RGS21: variants seen among roughly 807,000 people sequenced by gnomAD.
RGS21 encodes regulator of G-protein signalling 21.
A neutral mutation model predicts 18.7 loss-of-function variants in RGS21; 19 were observed. The ratio of observed to expected loss-of-function variants is 1.01; its 90% CI spans 0.71 to 1.49. RGS21 has a LOEUF of 1.49. Among genes scored for constraint, RGS21 ranks in the 40% most tolerant of loss-of-function variants. RGS21 has a pLI of 0.00. For synonymous variants in RGS21, 56 were observed against 57.8 expected, an observed-to-expected ratio of 0.97 and a Z score of 0.14; for missense variants, 194 against 176.8, an observed-to-expected ratio of 1.10 and a Z score of -0.55.
intron 4 of RGS21, 74 bp from the exon 5 acceptor site, chr1:192,365,847 A>G (rs945862788): frequency 8.9e-6 from 7 of 790,672 alleles, no homozygotes; most frequent in Non-Finnish European, 1.2e-5. Flanking sequence ...AAAGAATTTT[A>G]AATAATATAT....
At chr1:192,327,679 G>A (rs1658586237) in intron 1 of RGS21, among the ~76,000 whole-genome samples, 1 of 152,032 alleles carries the variant, frequency 6.6e-6, no homozygotes, top group Non-Finnish European at 1.5e-5. Context: ...CACCATGTTG[G>A]CCAGGCTGGT....
At chr1:192,333,212 C>T (rs1658685810) in intron 1 of RGS21, among the ~76,000 whole-genome samples, 3 of 151,614 alleles carry the variant, frequency 2.0e-5, no homozygotes, top group Admixed American at 2.0e-4. Flanking sequence ...ACCTCTCATA[C>T]ACTGCAGGTA....
chr1:192,320,760 GAAGA>G (rs1433993929), intron 1 of RGS21, among the ~76,000 whole-genome samples: 1 of 151,916 alleles, frequency 6.6e-6, no homozygotes, highest in African/African-American at 2.4e-5. Flanking sequence ...AATAACATGA[GAAGA>G]AACAAAGCAA....
chr1:192,321,028 T>C (rs1169212814), intron 1 of RGS21, among the ~76,000 whole-genome samples: 1 of 151,988 alleles, frequency 6.6e-6, no homozygotes, highest in Non-Finnish European at 1.5e-5. Flanking sequence ...ATTCATCTAA[T>C]TGAATATCTA....
At chr1:192,319,295 C>T (rs1432145887) in intron 1 of RGS21, among the ~76,000 whole-genome samples, 1 of 152,036 alleles carries the variant, frequency 6.6e-6, no homozygotes, top group East Asian at 1.9e-4. Context: ...ATGAGAATCC[C>T]TTCCAACTTT....
chr1:192,360,636 T>C (rs1659173582), intron 4 of RGS21, among the ~76,000 whole-genome samples: 1 of 152,130 alleles, frequency 6.6e-6, no homozygotes, highest in Non-Finnish European at 1.5e-5. Flanking sequence ...AGTCCCTGAC[T>C]TAAAATTCTC....
At chr1:192,317,608 A>C (rs1164615682) in intron 1 of RGS21, among the ~76,000 whole-genome samples, 1 of 151,962 alleles carries the variant, frequency 6.6e-6, no homozygotes, top group Admixed American at 6.6e-5. Context: ...AAGATGTTAC[A>C]TACAGCATAG....
intron 1 of RGS21, among the ~76,000 whole-genome samples, chr1:192,340,380 A>G (rs1273984062): frequency 6.6e-6 from 1 of 152,144 alleles, no homozygotes; most frequent in Non-Finnish European, 1.5e-5. Flanking sequence ...AGGTATTATC[A>G]ATACTATCAG....
At chr1:192,359,768 TTCTC>T (rs527776555) in intron 4 of RGS21, among the ~76,000 whole-genome samples, 2 of 140,136 alleles carry the variant, frequency 1.4e-5, no homozygotes, top group African/African-American at 2.8e-5. Flanking sequence ...ATATGTAACT[TTCTC>T]TCTCTCTCTC....
chr1:192,359,670 T>G (rs933868741), intron 4 of RGS21, among the ~76,000 whole-genome samples: 2 of 147,038 alleles, frequency 1.4e-5, no homozygotes, highest in African/African-American at 5.0e-5. Context: ...TATATATATA[T>G]ATATATATTC....
intron 1 of RGS21, among the ~76,000 whole-genome samples, chr1:192,321,849 C>T (rs1195135152): frequency 6.6e-6 from 1 of 151,696 alleles, no homozygotes; most frequent in Non-Finnish European, 1.5e-5. Flanking sequence ...TGAGTAGGTC[C>T]TTATATTAGA....
At chr1:192,360,397 T>C (rs1244506880) in intron 4 of RGS21, among the ~76,000 whole-genome samples, 1 of 152,142 alleles carries the variant, frequency 6.6e-6, no homozygotes, top group East Asian at 1.9e-4. Flanking sequence ...TGTTCTCCCT[T>C]GCCCTAGCTC....
At chr1:192,341,215 A>T (rs1658857631) in intron 1 of RGS21, among the ~76,000 whole-genome samples, 1 of 151,918 alleles carries the variant, frequency 6.6e-6, no homozygotes. Context: ...CCCCTCTTAA[A>T]AGGTCCCTTA....
intron 1 of RGS21, among the ~76,000 whole-genome samples, chr1:192,342,137 T>C (rs976010950): frequency 2.6e-5 from 4 of 152,090 alleles, no homozygotes; most frequent in Non-Finnish European, 5.9e-5. Context: ...TTCTTTTGAC[T>C]GCTTTCTTTC....
chr1:192,361,720 A>G (rs1351237098), intron 4 of RGS21, among the ~76,000 whole-genome samples: 1 of 151,778 alleles, frequency 6.6e-6, no homozygotes, highest in Non-Finnish European at 1.5e-5. Flanking sequence ...TAATTTTTAT[A>G]TTTTTAGTAT....
At position 192,347,336 on chromosome 1, in the gene RGS21, C is replaced by T. The variant is rs1271274430; in HGVS notation, c.35C>T (p.Thr12Ile). Residue 12 changes from threonine to isoleucine, a missense_variant, in exon 3 of 5, where the codon ACT (threonine) becomes ATT (isoleucine). Transcript: ENST00000417209. ...AGATGCTGTTTCTACAGGTCACCAA[C>T]TGCGGAAACAATGACATGGTCTGAA... ...PVKCCFYRSP[T>I]AETMTWSENM... is the part of the protein sequence containing the mutation. 6.2e-7 allele frequency: 1 copy of T among 1,608,146 alleles called. No homozygotes were observed. Among genetic ancestry groups the T allele is most frequent in the Admixed American group, 1.7e-5 (1 of 59,950 alleles).
In RGS21 at chr1:192,324,118, CAT is replaced by C. The variant is rs541344905; in HGVS notation, c.-61+7014_-61+7015del. On this transcript the variant is annotated intron_variant, in intron 1 of 4. Coordinates refer to ENST00000417209, the MANE Select transcript of RGS21 (RefSeq NM_001039152.3). ...TCATTATTAACTGTTTCCACAGACA[CAT>C]GTTTATTTCTCTACAGTCATAACTT... Among the ~76,000 whole-genome samples, 136 of 152,138 alleles carry C rather than the reference CAT, an allele frequency of 8.9e-4. 2 individuals carry two copies. The highest frequency in any genetic ancestry group is 2.5e-3 in the African/African-American group (104 of 41,552).
At chr1:192,338,743 T>C (rs962779256) in intron 1 of RGS21, among the ~76,000 whole-genome samples, 1 of 152,112 alleles carries the variant, frequency 6.6e-6, no homozygotes, top group African/African-American at 2.4e-5. Flanking sequence ...CCCTAGCTCA[T>C]TTTCCTTTTC....
chr1:192,351,270 G>C, intron 3 of RGS21, among the ~76,000 whole-genome samples: 1 of 152,068 alleles, frequency 6.6e-6, no homozygotes, highest in East Asian at 1.9e-4. Flanking sequence ...CACATAAAGG[G>C]GAGAAGCATT....
Sources: allele counts gnomAD v4.1 joint callset (sites outside exome capture counted in the v4.1 genomes callset), GRCh38; gene constraint gnomAD v4.1.1; transcripts MANE v1.5; gene names NCBI Gene and HGNC (gene_info 2026-07-23, HGNC 2026-07-21).